ROR1: variants seen among roughly 807,000 people sequenced by gnomAD.
ROR1 encodes the protein inactive tyrosine-protein kinase transmembrane receptor ROR1.
A neutral mutation model predicts 78.8 loss-of-function variants in ROR1; 19 were observed. That is an observed-to-expected ratio of 0.24 (90% CI 0.17 to 0.35). ROR1 has a LOEUF of 0.35. ROR1 is among the 10% of genes least tolerant of loss of function. ROR1 has a pLI of 1.00. For missense variants in ROR1, 917 were observed against 1,177.8 expected, an observed-to-expected ratio of 0.78 and a Z score of 3.24; for synonymous variants, 386 against 433.6, an observed-to-expected ratio of 0.89 and a Z score of 1.36.
intron 4 of ROR1, among the ~76,000 whole-genome samples, chr1:64,121,705 G>A (rs1648549597): frequency 6.6e-6 from 1 of 151,934 alleles, no homozygotes; most frequent in African/African-American, 2.4e-5. Context: ...TCCAATATTG[G>A]CTGCACCAGA....
At chr1:64,011,066 T>C (rs1321548663) in intron 2 of ROR1, among the ~76,000 whole-genome samples, 1 of 152,208 alleles carries the variant, frequency 6.6e-6, no homozygotes, top group Non-Finnish European at 1.5e-5. Flanking sequence ...AAAACAGCAA[T>C]GGGTGAAGTT....
intron 8 of ROR1, among the ~76,000 whole-genome samples, chr1:64,166,195 C>T (rs2100736123): frequency 6.6e-6 from 1 of 152,280 alleles, no homozygotes; most frequent in African/African-American, 2.4e-5. Context: ...AATCTAATTT[C>T]CGAGTTCTCT....
In ROR1 at chr1:63,774,390, CG is replaced by C; in HGVS notation, c.-27del. 1 of 1,251,000 alleles carries C rather than the reference CG, an allele frequency of 8.0e-7. No individual in the cohort carries two copies. The highest frequency in any genetic ancestry group is 2.0e-5 in the South Asian group (1 of 49,216). The allele number at this position is 1,251,000 out of a possible 1,614,324, so 77.5% of individuals were successfully genotyped here. On this transcript the variant is annotated 5_prime_UTR_variant, in exon 1 of 9. Transcript: ENST00000371079. This position sits in a 1 kb window ranked among gnomAD's most constrained non-coding sequence, Gnocchi z 5.7. ...GTTCTGCGCGCGGCCTGGGAGCCGC[CG>C]CCGCCGCCGCCTCAGCGAGAGGAGG... is the stretch of plus-strand genomic sequence containing the variant.
At chr1:63,944,535 A>G (rs1041234115) in intron 1 of ROR1, among the ~76,000 whole-genome samples, 1 of 152,174 alleles carries the variant, frequency 6.6e-6, no homozygotes, top group Non-Finnish European at 1.5e-5. Flanking sequence ...GCCTATGTCA[A>G]ATGGTTTGAT....
chr1:63,952,666 G>T (rs1198607285), intron 1 of ROR1, among the ~76,000 whole-genome samples: 2 of 152,134 alleles, frequency 1.3e-5, no homozygotes. Context: ...AGCATGGAGA[G>T]CCTTGAAGCC....
intron 4 of ROR1, among the ~76,000 whole-genome samples, chr1:64,055,890 A>G (rs1646869655): frequency 6.6e-6 from 1 of 152,112 alleles, no homozygotes; most frequent in Non-Finnish European, 1.5e-5. Context: ...ATCCCTATGA[A>G]TTTGCCTATT....
chr1:63,907,640 A>C (rs1264551136), intron 1 of ROR1, among the ~76,000 whole-genome samples: 1 of 152,190 alleles, frequency 6.6e-6, no homozygotes, highest in East Asian at 1.9e-4. Context: ...TCCCCTCTTA[A>C]GCATTAGTTC....
intron 8 of ROR1, among the ~76,000 whole-genome samples, chr1:64,164,472 A>AGGC (rs1210277375): frequency 6.6e-6 from 1 of 152,234 alleles, no homozygotes; most frequent in Non-Finnish European, 1.5e-5. Context: ...CTCATCCATA[A>AGGC]GGCAAGGATA....
intron 4 of ROR1, among the ~76,000 whole-genome samples, chr1:64,088,271 G>C (rs1017056655): frequency 6.6e-6 from 1 of 152,142 alleles, no homozygotes; most frequent in Non-Finnish European, 1.5e-5. Flanking sequence ...TTATTGCTAT[G>C]TATGTCCAGA....
chr1:64,143,827 C>T (rs59893069), intron 7 of ROR1, among the ~76,000 whole-genome samples: 9,373 of 152,068 alleles, frequency 0.062, 1,032 homozygotes, highest in African/African-American at 0.22. Context: ...CTGTGTAGGC[C>T]ATTGGAGGAC....
At chr1:63,971,221 A>G (rs1646117603) in intron 1 of ROR1, among the ~76,000 whole-genome samples, 1 of 152,220 alleles carries the variant, frequency 6.6e-6, no homozygotes, top group Non-Finnish European at 1.5e-5. Context: ...CTCATTAGGT[A>G]TATGACCTTG....
At chr1:63,951,920 A>C (rs558628696) in intron 1 of ROR1, among the ~76,000 whole-genome samples, 1 of 152,252 alleles carries the variant, frequency 6.6e-6, no homozygotes, top group African/African-American at 2.4e-5. Context: ...TTAATAGTAG[A>C]TTCATTCATT....
intron 1 of ROR1, among the ~76,000 whole-genome samples, chr1:63,864,480 A>G (rs529387832): frequency 3.3e-5 from 5 of 152,230 alleles, no homozygotes; most frequent in African/African-American, 7.2e-5. Flanking sequence ...TTGTGTGCCA[A>G]ATGCATTTAT....
At chr1:63,912,167 A>T (rs1569898463) in intron 1 of ROR1, among the ~76,000 whole-genome samples, 1 of 151,506 alleles carries the variant, frequency 6.6e-6, no homozygotes, top group Non-Finnish European at 1.5e-5. Flanking sequence ...GCATGGTGGC[A>T]TGTGTCTATA....
At chr1:64,112,672 T>G (rs1318487964) in intron 4 of ROR1, among the ~76,000 whole-genome samples, 1 of 152,088 alleles carries the variant, frequency 6.6e-6, no homozygotes, top group Non-Finnish European at 1.5e-5. Context: ...TTTGTTGACT[T>G]CTCTTCCTCT....
intron 1 of ROR1, among the ~76,000 whole-genome samples, chr1:63,813,652 G>A (rs975626302): frequency 2.0e-5 from 3 of 152,208 alleles, no homozygotes; most frequent in African/African-American, 7.2e-5. Flanking sequence ...AAGCTTTGCA[G>A]CTGAGTGAAT....
At chr1:63,997,392 C>A (rs1038821871) in intron 1 of ROR1, among the ~76,000 whole-genome samples, 5 of 152,196 alleles carry the variant, frequency 3.3e-5, no homozygotes, top group Non-Finnish European at 7.3e-5. Flanking sequence ...TCAAGTTAGA[C>A]CTAAATATTT....
intron 1 of ROR1, among the ~76,000 whole-genome samples, chr1:63,867,656 G>A (rs191889414): frequency 1.8e-3 from 276 of 152,332 alleles, no homozygotes; most frequent in Middle Eastern, 3.4e-3. Flanking sequence ...AGAGTTTTCT[G>A]TCTTTTCTTC....
intron 1 of ROR1, among the ~76,000 whole-genome samples, chr1:63,832,602 G>C (rs1400824235): frequency 6.6e-6 from 1 of 152,202 alleles, no homozygotes; most frequent in Non-Finnish European, 1.5e-5. Context: ...CTGGAACATG[G>C]AATTAGTACT....
Sources: allele counts gnomAD v4.1 joint callset (sites outside exome capture counted in the v4.1 genomes callset), GRCh38; gene constraint gnomAD v4.1.1; non-coding constraint Gnocchi (gnomAD v3.1); transcripts MANE v1.5; gene names NCBI Gene and HGNC (gene_info 2026-07-23, HGNC 2026-07-21).